The following TANGO2 variants were observed in gnomAD, a reference collection of about 807,000 sequenced individuals.
TANGO2 encodes transport and Golgi organization protein 2 homolog.
In TANGO2, 26 loss-of-function variants were observed where a neutral mutation model predicts 39.1. That is an observed-to-expected ratio of 0.67 (90% CI 0.49 to 0.92). The LOEUF (loss-of-function observed/expected upper bound fraction) is 0.92. Among genes scored for constraint, TANGO2 ranks in the 40% least tolerant of loss-of-function variants. TANGO2 has a pLI of 0.00. For synonymous variants in TANGO2, 131 were observed against 144.5 expected (o/e 0.91, Z 0.67); for missense variants, 326 against 360.1 (o/e 0.91, Z 0.77).
intron 6 of TANGO2, chr22:20,061,092 G>A (rs2048299048): frequency 6.2e-6 from 1 of 161,924 alleles, no homozygotes; most frequent in Admixed American, 6.4e-5. Context: ...GGCGCTGTTG[G>A]GGGTTCCCCA....
intron 3 of TANGO2, among the ~76,000 whole-genome samples, chr22:20,049,833 A>G (rs571743212): frequency 3.9e-5 from 6 of 152,298 alleles, no homozygotes; most frequent in African/African-American, 1.2e-4. Context: ...TTTTGAATCT[A>G]TGGGTCATGT....
chr22:20,062,222 C>T (rs1210440711), intron 7 of TANGO2, among the ~76,000 whole-genome samples: 1 of 152,178 alleles, frequency 6.6e-6, no homozygotes, highest in Non-Finnish European at 1.5e-5. Flanking sequence ...GCCTCAAGGC[C>T]CCTCAGGGGC....
chr22:20,046,911 G>T (rs908888655), intron 3 of TANGO2, among the ~76,000 whole-genome samples: 1 of 152,128 alleles, frequency 6.6e-6, no homozygotes, highest in Non-Finnish European at 1.5e-5. Context: ...AAGAAAAGAG[G>T]TTTATTTGGC....
chr22:20,053,875 C>T (rs950783013), intron 5 of TANGO2: 24 of 403,700 alleles, frequency 5.9e-5, no homozygotes, highest in Non-Finnish European at 9.9e-5. Context: ...AGCAGCCCTC[C>T]GCAGCCCTGG....
rs113299653 is a variant in TANGO2, at chr22:20,040,467, C to A, written c.57-2888C>A. Among the ~76,000 whole-genome samples the A allele has an allele frequency of 6.6e-3, 1,010 of 152,320 alleles. 14 individuals carry two copies. Among genetic ancestry groups the A allele is most frequent in the African/African-American group, 0.022 (929 of 41,560 alleles). Reference sequence around the variant, plus strand: ...CCCTGGCTCCCCCGACCCCTGTTCACCTGCAGGGCTGTGGGACGTGGAAGC... The same window carrying A: ...CCCTGGCTCCCCCGACCCCTGTTCAACTGCAGGGCTGTGGGACGTGGAAGC... On this transcript the variant is annotated intron_variant, in intron 2 of 8. Coordinates refer to ENST00000327374, the MANE Select transcript of TANGO2 (RefSeq NM_152906.7).
chr22:20,029,233 G>A (rs1054279599), intron 1 of TANGO2, among the ~76,000 whole-genome samples: 1 of 152,228 alleles, frequency 6.6e-6, no homozygotes, highest in Non-Finnish European at 1.5e-5. Context: ...AGAAGCCAGG[G>A]GAGGAGCCCT....
intron 7 of TANGO2, 119 bp downstream of exon 7, chr22:20,061,802 A>AGCT: frequency 2.3e-6 from 3 of 1,290,962 alleles, no homozygotes; most frequent in Non-Finnish European, 3.1e-6. Context: ...CCCCAGCTGC[A>AGCT]GGGAAGCTGA....
In TANGO2 at chr22:20,052,467, C is replaced by A. The variant is rs1257661738; in HGVS notation, c.148C>A (p.Leu50Met). The A allele has an allele frequency of 6.3e-7, 1 of 1,599,628 alleles. No homozygotes were observed. The highest frequency in any genetic ancestry group is 8.5e-7 in the Non-Finnish European group (1 of 1,173,208). Residue 50 changes from leucine (L) to methionine (M), a missense_variant and splice_region_variant, in exon 4 of 9, where the codon CTG becomes ATG. By Grantham distance (15) the Leu-to-Met change is conservative. Transcript: ENST00000327374. ...GGTAACACTGTCATCTGCCACAGGG[C>A]TGGACATGGAGGAAGGCAAGGAAGG... is the stretch of plus-strand genomic sequence containing the variant. ...WGNNNEILSGLDMEEGKEGGT... is the reference protein window; with the variant it reads ...WGNNNEILSGMDMEEGKEGGT...
chr22:20,020,295 G>A (rs959219026), upstream of TANGO2, among the ~76,000 whole-genome samples: 7 of 152,164 alleles, frequency 4.6e-5, no homozygotes, highest in Admixed American at 1.3e-4. Context: ...TCACTTTGAG[G>A]CAGGGCCTGA....
intron 2 of TANGO2, among the ~76,000 whole-genome samples, chr22:20,043,098 G>A (rs540681320): frequency 1.3e-5 from 2 of 152,214 alleles, no homozygotes; most frequent in African/African-American, 2.4e-5. Context: ...CCCGTCTCCC[G>A]CCATTGAATG....
chr22:20,018,061 G>A (rs905236814), upstream of TANGO2, among the ~76,000 whole-genome samples: 1 of 152,246 alleles, frequency 6.6e-6, no homozygotes, highest in African/African-American at 2.4e-5. Context: ...GGAGTCCAGT[G>A]TGTTCATCCA....
chr22:20,022,027 T>C (rs1327424901), intron 1 of TANGO2, among the ~76,000 whole-genome samples: 1 of 152,226 alleles, frequency 6.6e-6, no homozygotes, highest in East Asian at 1.9e-4. Context: ...ACTGTTTTGC[T>C]GCCACTCTGG....
chr22:20,045,633 A>G (rs1279802111), intron 3 of TANGO2, among the ~76,000 whole-genome samples: 1 of 150,800 alleles, frequency 6.6e-6, no homozygotes, highest in Non-Finnish European at 1.5e-5. Context: ...CCTTCCTAAT[A>G]GCTGGGATTA....
Position 20,064,299 on chromosome 22 carries a change from G to C in TANGO2, c.711-243G>C, listed in dbSNP as rs776902060. Among the ~76,000 whole-genome samples the C allele has an allele frequency of 3.3e-4, 50 of 152,162 alleles. 1 individual carries two copies. Among genetic ancestry groups the C allele is most frequent in the Admixed American group, 6.5e-4 (10 of 15,280 alleles). ...GGGGAGAGCAGGGCAGGGTGGGGTGGTTCCCAGTGAAGGTGGCAGGACTCA... is the reference window on the plus strand; with the variant it reads ...GGGGAGAGCAGGGCAGGGTGGGGTGCTTCCCAGTGAAGGTGGCAGGACTCA... On this transcript the variant is annotated intron_variant, in intron 8 of 8. Transcript: ENST00000327374.
rs779565776 is a variant in TANGO2 at position 20,056,312 on chromosome 22, G to T, written c.451+299G>T. 3 of 612,416 alleles carry T rather than the reference G, an allele frequency of 4.9e-6. No homozygotes were observed. The African/African-American group carries it at 5.4e-5, about 11-fold the overall frequency. The allele number at this position is 612,416 out of a possible 1,614,324, so 37.9% of individuals were successfully genotyped here. On this transcript the variant is annotated intron_variant, in intron 6 of 8. Transcript: ENST00000327374. Reference sequence around the variant, plus strand: ...CACCCCCAGCCTCACTTCCTGTGCCGTCCCAGTGTGCCCTGTGCCTGTTCC... The same window carrying T: ...CACCCCCAGCCTCACTTCCTGTGCCTTCCCAGTGTGCCCTGTGCCTGTTCC...
At chr22:20,028,779 ACT>A (rs2041279011) in intron 1 of TANGO2, among the ~76,000 whole-genome samples, 2 of 152,190 alleles carry the variant, frequency 1.3e-5, no homozygotes, top group Admixed American at 6.5e-5. Flanking sequence ...GCCCTGCAGC[ACT>A]GAGGTCTGCC....
intron 6 of TANGO2, among the ~76,000 whole-genome samples, chr22:20,058,856 G>A (rs1259457159): frequency 1.3e-5 from 2 of 152,086 alleles, no homozygotes; most frequent in African/African-American, 4.8e-5. Context: ...TTGGGGAAAA[G>A]CCATACATAT....
chr22:20,046,664 C>T (rs9606224), intron 3 of TANGO2, among the ~76,000 whole-genome samples: 3,720 of 152,042 alleles, frequency 0.024, 69 homozygotes, highest in Non-Finnish European at 0.038. Flanking sequence ...TATTATTATT[C>T]TTTAAGTTCT....
intron 6 of TANGO2, among the ~76,000 whole-genome samples, chr22:20,059,883 T>C (rs1602362540): frequency 6.6e-6 from 1 of 152,172 alleles, no homozygotes; most frequent in Non-Finnish European, 1.5e-5. Context: ...GTCATGAAGC[T>C]TTCCCCAATA....
Sources: gnomAD v4.1 joint callset for allele counts (sites outside exome capture counted in the v4.1 genomes callset) on GRCh38, gnomAD v4.1.1 for gene constraint, MANE v1.5 for transcripts, NCBI Gene and HGNC (gene_info 2026-07-23, HGNC 2026-07-21) for gene names.